The following ADARB2 variants were observed in gnomAD, a reference collection of about 807,000 sequenced individuals.
ADARB2 encodes inactive double-stranded RNA-specific editase B2.
In ADARB2, 25 loss-of-function variants were observed where a neutral mutation model predicts 62.2. The ratio of observed to expected loss-of-function variants is 0.40; its 90% confidence interval spans 0.29 to 0.56. The LOEUF is 0.56. ADARB2 is among the 20% of genes least tolerant of loss of function. The pLI, the probability that ADARB2 is intolerant of heterozygous loss-of-function variation, is 0.43. For missense variants in ADARB2, 1,071 were observed against 1,077.4 expected (o/e 0.99, Z 0.08); for synonymous variants, 572 against 500.8 (o/e 1.14, Z -1.90).
At chr10:1,389,332 C>T (rs1462741192) in intron 1 of ADARB2, among the ~76,000 whole-genome samples, 1 of 152,154 alleles carries the variant, frequency 6.6e-6, no homozygotes, top group Admixed American at 6.5e-5. Flanking sequence ...TTGAAATACA[C>T]TGTTGATTAA....
Position 1,721,203 on chromosome 10 carries a change from A to T in ADARB2, c.100+15848T>A, listed in dbSNP as rs185123796. Among the ~76,000 whole-genome samples the T allele has an allele frequency of 4.9e-3, 746 of 152,356 alleles. 3 individuals carry two copies. The highest frequency in any genetic ancestry group is 7.6e-3 in the Non-Finnish European group (516 of 68,038). On this transcript the variant is annotated intron_variant, in intron 1 of 9. Coordinates refer to ENST00000381312, the MANE Select transcript of ADARB2 (RefSeq NM_018702.4). ...GCCCCAGCAGAGAAGTTAATTCATC[A>T]TCATCAAAATTATGTAAATAATTCA... is the stretch of plus-strand genomic sequence containing the variant.
At chr10:1,211,105 C>T (rs1344208600) in intron 7 of ADARB2, among the ~76,000 whole-genome samples, 1 of 152,122 alleles carries the variant, frequency 6.6e-6, no homozygotes. Flanking sequence ...TCCCTCCCTC[C>T]TATCTATCTT....
chr10:1,183,918 G>A lies in ADARB2; in HGVS notation c.2044-549C>T, dbSNP rs190581839. The stretch of plus-strand genomic sequence containing the variant: ...AATCCCACAGCGGGTCTTCCAGGGA[G>A]GCACTCACCGGGGGGTCACCTCGAG... On this transcript the variant is annotated intron_variant, in intron 9 of 9. Transcript: ENST00000381312. Among the ~76,000 whole-genome samples, 31 of 152,332 alleles carry A rather than the reference G, an allele frequency of 2.0e-4. No homozygotes were observed. The East Asian group carries it at 5.4e-3, about 27-fold the overall frequency.
intron 4 of ADARB2, among the ~76,000 whole-genome samples, chr10:1,259,273 A>G (rs1181687054): frequency 1.3e-5 from 2 of 152,212 alleles, no homozygotes; most frequent in African/African-American, 4.8e-5. Flanking sequence ...TTCAAAAGCT[A>G]GCAGAAGGCA....
chr10:1,579,352 T>C (rs1368118322), intron 1 of ADARB2, among the ~76,000 whole-genome samples: 2 of 152,236 alleles, frequency 1.3e-5, no homozygotes, highest in Admixed American at 6.5e-5. Flanking sequence ...CGCTGAATCA[T>C]GTAATTTCTG....
At chr10:1,478,288 A>G (rs543197527) in intron 1 of ADARB2, among the ~76,000 whole-genome samples, 2 of 152,184 alleles carry the variant, frequency 1.3e-5, no homozygotes, top group Non-Finnish European at 2.9e-5. Flanking sequence ...CACGGACATC[A>G]GAGGGGGTGG....
chr10:1,595,126 C>T (rs773928891), intron 1 of ADARB2, among the ~76,000 whole-genome samples: 4 of 152,192 alleles, frequency 2.6e-5, no homozygotes, highest in East Asian at 1.9e-4. Flanking sequence ...GGCTTGGGAA[C>T]GGTGCACTTA....
chr10:1,219,264 G>A (rs972471803), intron 6 of ADARB2, among the ~76,000 whole-genome samples: 1 of 152,214 alleles, frequency 6.6e-6, no homozygotes, highest in Non-Finnish European at 1.5e-5. Context: ...TTTCTCTAGA[G>A]CAATGTGAGA....
chr10:1,681,878 C>T (rs986420319), intron 1 of ADARB2, among the ~76,000 whole-genome samples: 41 of 152,228 alleles, frequency 2.7e-4, no homozygotes, highest in African/African-American at 8.4e-4. Flanking sequence ...CAGCACACTC[C>T]GCAGAGACTC....
chr10:1,636,956 A>G (rs1833924292), intron 1 of ADARB2, among the ~76,000 whole-genome samples: 1 of 150,998 alleles, frequency 6.6e-6, no homozygotes, highest in Admixed American at 6.6e-5. Context: ...TTTCCAACCA[A>G]CACTTTTGGG....
intron 2 of ADARB2, among the ~76,000 whole-genome samples, chr10:1,372,810 C>T (rs1832384777): frequency 6.6e-6 from 1 of 152,134 alleles, no homozygotes; most frequent in Admixed American, 6.5e-5. Context: ...TAATTGCATA[C>T]TCATAGTATA....
At chr10:1,219,733 G>T (rs1272310699) in intron 6 of ADARB2, among the ~76,000 whole-genome samples, 1 of 151,712 alleles carries the variant, frequency 6.6e-6, no homozygotes, top group African/African-American at 2.4e-5. Context: ...GGAGGTGATG[G>T]TGATGGTGAA....
intron 1 of ADARB2, among the ~76,000 whole-genome samples, chr10:1,690,532 C>T (rs764512729): frequency 1.2e-4 from 18 of 152,242 alleles, no homozygotes; most frequent in Non-Finnish European, 1.9e-4. Flanking sequence ...GGTGATTACT[C>T]GTTGCCAGTC....
At chr10:1,507,251 G>A (rs1055169986) in intron 1 of ADARB2, among the ~76,000 whole-genome samples, 4 of 152,234 alleles carry the variant, frequency 2.6e-5, no homozygotes, top group Admixed American at 6.5e-5. Flanking sequence ...GAAACAGAGT[G>A]GGCTCAGATG....
intron 4 of ADARB2, among the ~76,000 whole-genome samples, chr10:1,252,272 G>A (rs1330345291): frequency 6.6e-6 from 1 of 152,198 alleles, no homozygotes; most frequent in Non-Finnish European, 1.5e-5. Context: ...AATTATAGAA[G>A]ATATAGAGAG....
chr10:1,317,478 A>G (rs1427883262), intron 3 of ADARB2, among the ~76,000 whole-genome samples: 2 of 152,208 alleles, frequency 1.3e-5, no homozygotes, highest in African/African-American at 2.4e-5. Context: ...GTGAAGGGAA[A>G]TTATTAAACA....
At chr10:1,439,387 C>T (rs1341416310) in intron 1 of ADARB2, among the ~76,000 whole-genome samples, 2 of 146,246 alleles carry the variant, frequency 1.4e-5, no homozygotes, top group East Asian at 2.1e-4. Flanking sequence ...AGGCCCTTCA[C>T]TATGGGGCTC....
intron 1 of ADARB2, among the ~76,000 whole-genome samples, chr10:1,470,202 T>G (rs377083141): frequency 6.6e-6 from 1 of 151,938 alleles, no homozygotes; most frequent in Non-Finnish European, 1.5e-5. Flanking sequence ...ACACACCCAT[T>G]TCTGCTCAGC....
At chr10:1,365,057 A>C (rs1832301374) in intron 2 of ADARB2, among the ~76,000 whole-genome samples, 1 of 151,736 alleles carries the variant, frequency 6.6e-6, no homozygotes, top group Middle Eastern at 3.2e-3. Flanking sequence ...ATTTTTTTAG[A>C]GATGGGATTT....
Sources: allele counts gnomAD v4.1 joint callset (sites outside exome capture counted in the v4.1 genomes callset), GRCh38; gene constraint gnomAD v4.1.1; transcripts MANE v1.5; gene names NCBI Gene and HGNC (gene_info 2026-07-23, HGNC 2026-07-21).